PCDH15: variants seen among roughly 807,000 people sequenced by gnomAD.
The protein encoded by PCDH15 is protocadherin-15.
Under a neutral mutation model 178.5 loss-of-function variants are expected in PCDH15, and 129 were observed. The observed-to-expected ratio is 0.72, with a 90% CI of 0.63 to 0.84. The LOEUF is 0.84. PCDH15 is among the 40% of genes least tolerant of loss of function. PCDH15 has a pLI of 0.00. For synonymous variants in PCDH15, 800 were observed against 732.0 expected, an observed-to-expected ratio of 1.09 and a Z score of -1.50; for missense variants, 2,230 against 2,099.9, an observed-to-expected ratio of 1.06 and a Z score of -1.21.
intron 2 of PCDH15, among the ~76,000 whole-genome samples, chr10:55,496,109 T>C (rs1316820967): frequency 2.0e-5 from 3 of 151,868 alleles, no homozygotes; most frequent in African/African-American, 4.8e-5. Flanking sequence ...TCAGTGATGA[T>C]TGCACACACG....
At chr10:54,004,393 G>T (rs930573094) in intron 20 of PCDH15, among the ~76,000 whole-genome samples, 3 of 91,372 alleles carry the variant, frequency 3.3e-5, no homozygotes, top group African/African-American at 2.1e-4. Flanking sequence ...AAAACCTAAA[G>T]ACTACACACA....
intron 1 of PCDH15, among the ~76,000 whole-genome samples, chr10:55,219,494 G>A (rs118063320): frequency 0.013 from 2,032 of 151,434 alleles, 23 homozygotes; most frequent in South Asian, 0.051. Flanking sequence ...TGCATACATC[G>A]TATATTGGTA....
intron 2 of PCDH15, among the ~76,000 whole-genome samples, chr10:55,340,631 T>C (rs1193953432): frequency 6.6e-6 from 1 of 152,052 alleles, no homozygotes; most frequent in African/African-American, 2.4e-5. Context: ...TTCCAAGAAA[T>C]AATATTATTA....
chr10:55,264,161 A>G (rs1842221637), intron 1 of PCDH15, among the ~76,000 whole-genome samples: 1 of 152,132 alleles, frequency 6.6e-6, no homozygotes, highest in South Asian at 2.1e-4. Context: ...AGACACTCTA[A>G]ATGGATAAAA....
At chr10:53,963,300 C>G (rs914054498) in intron 21 of PCDH15, among the ~76,000 whole-genome samples, 2 of 152,172 alleles carry the variant, frequency 1.3e-5, no homozygotes, top group Non-Finnish European at 2.9e-5. Flanking sequence ...CACGTCACCA[C>G]TGATGACTGT....
At chr10:54,269,554 T>C (rs1435904255) in intron 8 of PCDH15, among the ~76,000 whole-genome samples, 2 of 152,000 alleles carry the variant, frequency 1.3e-5, no homozygotes, top group African/African-American at 4.8e-5. Context: ...CCAAATGAAA[T>C]GCATTATGAA....
At chr10:53,828,502 T>A (rs1179524235) in intron 31 of PCDH15, 63 bp downstream of exon 31, 1 of 1,363,596 alleles carries the variant, frequency 7.3e-7, no homozygotes, top group Non-Finnish European at 1.0e-6. Flanking sequence ...TTGATTGATA[T>A]AATCTCGGGT....
chr10:55,038,222 C>A (rs1350774944), intron 2 of PCDH15, among the ~76,000 whole-genome samples: 1 of 152,078 alleles, frequency 6.6e-6, no homozygotes, highest in Non-Finnish European at 1.5e-5. Context: ...TATGTGTTTG[C>A]ATGTGAGTAT....
chr10:54,288,294 T>G (rs1435593152), intron 8 of PCDH15, among the ~76,000 whole-genome samples: 1 of 152,108 alleles, frequency 6.6e-6, no homozygotes, highest in African/African-American at 2.4e-5. Flanking sequence ...CACTCCAGCT[T>G]GGGCATCAGA....
intron 2 of PCDH15, among the ~76,000 whole-genome samples, chr10:55,341,220 C>T (rs923210236): frequency 2.0e-5 from 3 of 151,906 alleles, no homozygotes; most frequent in Admixed American, 6.6e-5. Context: ...TAATTCCCTA[C>T]GGTACCTATC....
chr10:55,051,445 A>G (rs1381934095), intron 2 of PCDH15, among the ~76,000 whole-genome samples: 1 of 152,216 alleles, frequency 6.6e-6, no homozygotes, highest in Non-Finnish European at 1.5e-5. Flanking sequence ...TTTATTGTTT[A>G]AATAATTTAA....
chr10:55,557,524 T>C (rs1272413457), intron 2 of PCDH15, among the ~76,000 whole-genome samples: 1 of 152,032 alleles, frequency 6.6e-6, no homozygotes, highest in Non-Finnish European at 1.5e-5. Flanking sequence ...AGAACACAAA[T>C]AAACTGCATG....
chr10:55,066,850 T>G (rs1303649562), intron 2 of PCDH15, among the ~76,000 whole-genome samples: 1 of 151,652 alleles, frequency 6.6e-6, no homozygotes, highest in Non-Finnish European at 1.5e-5. Context: ...TAATGTTCGA[T>G]AGCAGACTAC....
At chr10:54,125,618 A>G (rs1157088837) in intron 15 of PCDH15, among the ~76,000 whole-genome samples, 2 of 152,166 alleles carry the variant, frequency 1.3e-5, no homozygotes, top group Non-Finnish European at 2.9e-5. Context: ...AATAGTACAG[A>G]GAGTGTAGGG....
intron 3 of PCDH15, among the ~76,000 whole-genome samples, chr10:54,418,629 C>CT (rs527723030): frequency 5.5e-4 from 84 of 151,776 alleles, no homozygotes; most frequent in African/African-American, 1.9e-3. Flanking sequence ...CATTTTGTAA[C>CT]TTTTTTATTA....
intron 2 of PCDH15, among the ~76,000 whole-genome samples, chr10:55,055,026 C>A (rs1268571942): frequency 1.3e-5 from 2 of 152,110 alleles, no homozygotes; most frequent in African/African-American, 2.4e-5. Flanking sequence ...TTAATTACAT[C>A]CCATTTGTCA....
intron 9 of PCDH15, among the ~76,000 whole-genome samples, chr10:54,231,409 C>T (rs942235664): frequency 1.3e-5 from 2 of 152,222 alleles, no homozygotes; most frequent in African/African-American, 4.8e-5. Flanking sequence ...ATGGAAATGT[C>T]TGGATGTCCA....
At chr10:55,156,188 T>C (rs1462450725) in intron 2 of PCDH15, among the ~76,000 whole-genome samples, 3 of 152,172 alleles carry the variant, frequency 2.0e-5, no homozygotes, top group South Asian at 2.1e-4. Context: ...GGCTAAAATA[T>C]ACCAATGAAG....
chr10:53,858,685 G>A (rs1266936145), intron 27 of PCDH15, among the ~76,000 whole-genome samples: 1 of 152,118 alleles, frequency 6.6e-6, no homozygotes, highest in Admixed American at 6.6e-5. Flanking sequence ...TATGCTGGCA[G>A]TTCTAACCTT....
Sources: gnomAD v4.1 joint callset for allele counts (sites outside exome capture counted in the v4.1 genomes callset) on GRCh38, gnomAD v4.1.1 for gene constraint, MANE v1.5 for transcripts, NCBI Gene and HGNC (gene_info 2026-07-23, HGNC 2026-07-21) for gene names.